The following KATNIP variants were observed in gnomAD, a reference collection of about 807,000 sequenced individuals.
KATNIP encodes the protein katanin interacting protein, also known as katanin-interacting protein.
In KATNIP, 126 loss-of-function variants were observed where a neutral mutation model predicts 174.0. The observed-to-expected ratio is 0.72, with a 90% CI of 0.63 to 0.84. The LOEUF is 0.84. Among genes scored for constraint, KATNIP ranks in the 40% least tolerant of loss-of-function variants. The pLI, the probability that KATNIP is intolerant of heterozygous loss-of-function variation, is 0.00. For missense variants in KATNIP, 1,958 were observed against 2,109.7 expected, an observed-to-expected ratio of 0.93 and a Z score of 1.41; for synonymous variants, 810 against 835.7, an observed-to-expected ratio of 0.97 and a Z score of 0.53.
chr16:27,597,869 G>T (rs1422451629), intron 2 of KATNIP, among the ~76,000 whole-genome samples: 3 of 152,182 alleles, frequency 2.0e-5, no homozygotes, highest in South Asian at 2.1e-4. Context: ...GGGGCTATGG[G>T]TTGGAAGGTG....
At chr16:27,640,207 C>T (rs1425706168) in intron 5 of KATNIP, among the ~76,000 whole-genome samples, 1 of 152,184 alleles carries the variant, frequency 6.6e-6, no homozygotes, top group African/African-American at 2.4e-5. Flanking sequence ...ATCCTCCTCC[C>T]CCATATGATT....
At chr16:27,605,821 T>C (rs1567485165) in intron 2 of KATNIP, among the ~76,000 whole-genome samples, 1 of 152,134 alleles carries the variant, frequency 6.6e-6, no homozygotes, top group Non-Finnish European at 1.5e-5. Context: ...ACTGATGTGT[T>C]AGCAAATGCA....
chr16:27,701,663 G>C lies in KATNIP; in HGVS notation c.1254G>C (p.Gln418His). Reference sequence around the variant, plus strand: ...CAGGAGGAGCCAGGGCCATCAACCAGGCCATGGACAGAATTGGGCTTCTGG... The same window carrying C: ...CAGGAGGAGCCAGGGCCATCAACCACGCCATGGACAGAATTGGGCTTCTGG... ...GAAGGARAIN[Q>H]AMDRIGLLGS... is the part of the protein sequence containing the mutation. The change falls in exon 11 of 28, where the codon CAG becomes CAC. Residue 418 changes from glutamine to histidine, a missense_variant. Gln to His is a conservative substitution (Grantham distance 24). Transcript: ENST00000261588. The C allele has an allele frequency of 6.2e-7, 1 of 1,607,286 alleles. No individual in the cohort carries two copies. The highest frequency in any genetic ancestry group is 8.5e-7 in the Non-Finnish European group (1 of 1,177,376).
chr16:27,678,666 G>T (rs1197601907), intron 7 of KATNIP, among the ~76,000 whole-genome samples: 6 of 152,198 alleles, frequency 3.9e-5, no homozygotes, highest in African/African-American at 1.4e-4. Context: ...GTCACATGCT[G>T]TCTTGGATTG....
At chr16:27,632,561 C>T (rs1212294353) in intron 5 of KATNIP, 1 of 451,516 alleles carries the variant, frequency 2.2e-6, no homozygotes, top group Non-Finnish European at 4.5e-6. Flanking sequence ...ACACGGAAAC[C>T]CTCACTGTGC....
At chr16:27,595,815 C>T (rs1285572780) in intron 2 of KATNIP, among the ~76,000 whole-genome samples, 1 of 152,166 alleles carries the variant, frequency 6.6e-6, no homozygotes, top group African/African-American at 2.4e-5. Context: ...AAATAGGGCC[C>T]TCAGAAGGGC....
chr16:27,754,424 T>G (rs1395547650), intron 18 of KATNIP, 173 bp downstream of exon 18: 1 of 608,838 alleles, frequency 1.6e-6, no homozygotes. Flanking sequence ...CTCAGCTCCC[T>G]GGCCCTAGCA....
At chr16:27,664,895 G>T (rs1330699967) in intron 6 of KATNIP, among the ~76,000 whole-genome samples, 1 of 152,140 alleles carries the variant, frequency 6.6e-6, no homozygotes, top group African/African-American at 2.4e-5. Flanking sequence ...GGTGAGTTCA[G>T]CATCAAGATG....
intron 17 of KATNIP, among the ~76,000 whole-genome samples, chr16:27,753,597 G>A (rs901108393): frequency 1.2e-4 from 18 of 152,292 alleles, no homozygotes; most frequent in Middle Eastern, 3.4e-3. Flanking sequence ...CTGGCTACCC[G>A]TGGAAATCAC....
chr16:27,752,520 A>G (rs2081559135), intron 17 of KATNIP, among the ~76,000 whole-genome samples: 1 of 152,228 alleles, frequency 6.6e-6, no homozygotes, highest in Non-Finnish European at 1.5e-5. Flanking sequence ...GTGATTCCAC[A>G]GTTTATGCTT....
At chr16:27,680,927 T>G (rs1019271769) in intron 7 of KATNIP, among the ~76,000 whole-genome samples, 1 of 152,184 alleles carries the variant, frequency 6.6e-6, no homozygotes, top group Non-Finnish European at 1.5e-5. Context: ...ACTCCTGACT[T>G]CAGGTGATCC....
intron 8 of KATNIP, among the ~76,000 whole-genome samples, chr16:27,693,739 T>A (rs928089274): frequency 6.6e-6 from 1 of 152,166 alleles, no homozygotes; most frequent in Non-Finnish European, 1.5e-5. Context: ...CTGTGAAGGT[T>A]CCTCTAGGTG....
chr16:27,696,455 A>G (rs373294465), intron 8 of KATNIP, among the ~76,000 whole-genome samples: 44 of 152,316 alleles, frequency 2.9e-4, no homozygotes, highest in African/African-American at 5.5e-4. Context: ...TAATAAGCAT[A>G]GTACCTGATA....
intron 7 of KATNIP, among the ~76,000 whole-genome samples, chr16:27,680,619 T>G (rs928083855): frequency 6.7e-6 from 1 of 149,014 alleles, no homozygotes; most frequent in African/African-American, 2.4e-5. Flanking sequence ...CTCAAATTCC[T>G]GGGAGGGATC....
intron 23 of KATNIP, among the ~76,000 whole-genome samples, chr16:27,773,475 G>T (rs950003597): frequency 1.3e-5 from 2 of 152,150 alleles, no homozygotes; most frequent in African/African-American, 2.4e-5. Flanking sequence ...CAACTATAGC[G>T]CCCCCTTCTC....
intron 10 of KATNIP, among the ~76,000 whole-genome samples, chr16:27,699,958 A>G (rs938616918): frequency 2.0e-5 from 3 of 151,868 alleles, no homozygotes; most frequent in African/African-American, 4.8e-5. Flanking sequence ...TTGCCCAGGC[A>G]GGAGTGCAAT....
At chr16:27,627,655 T>G (rs1163343743) in intron 3 of KATNIP, among the ~76,000 whole-genome samples, 1 of 152,258 alleles carries the variant, frequency 6.6e-6, no homozygotes, top group African/African-American at 2.4e-5. Flanking sequence ...ACTTTAGGTT[T>G]TTAGAACAGA....
At chr16:27,572,721 A>T (rs1432663257) in intron 1 of KATNIP, among the ~76,000 whole-genome samples, 1 of 152,202 alleles carries the variant, frequency 6.6e-6, no homozygotes, top group African/African-American at 2.4e-5. Context: ...AGAGGAAGAG[A>T]GAGGAGGGCA....
At chr16:27,617,975 C>CCTCCCAA in intron 2 of KATNIP, among the ~76,000 whole-genome samples, 1 of 152,148 alleles carries the variant, frequency 6.6e-6, no homozygotes, top group African/African-American at 2.4e-5. Context: ...TGGGCTCAAG[C>CCTCCCAA]AATCCTCTCG....
Sources: gnomAD v4.1 joint callset for allele counts (sites outside exome capture counted in the v4.1 genomes callset) on GRCh38, gnomAD v4.1.1 for gene constraint, MANE v1.5 for transcripts, NCBI Gene and HGNC (gene_info 2026-07-23, HGNC 2026-07-21) for gene names.